Variants in DRC11 observed in about 807,000 individuals in gnomAD.
DRC11 encodes dynein regulatory complex subunit 11.
At chr2:236,436,099 C>G in the DRC11 span, among the ~76,000 whole-genome samples, 4 of 152,114 alleles carry the variant, frequency 2.6e-5, no homozygotes, top group African/African-American at 9.7e-5. Flanking sequence ...TTTACCAGTC[C>G]TATAGGTGAA....
At chr2:236,306,836 TCA>T in the DRC11 span, among the ~76,000 whole-genome samples, 5 of 152,336 alleles carry the variant, frequency 3.3e-5, no homozygotes, top group African/African-American at 1.2e-4. This position sits in a 1 kb window ranked among gnomAD's most constrained non-coding sequence, Gnocchi z 5.9. Context: ...CTGGTTAATA[TCA>T]CACCTCTTCA....
At chr2:236,478,142 T>C in the DRC11 span, among the ~76,000 whole-genome samples, 4 of 152,070 alleles carry the variant, frequency 2.6e-5, no homozygotes, top group African/African-American at 9.7e-5. This position sits in a 1 kb window ranked among gnomAD's most constrained non-coding sequence, Gnocchi z 5.9. Flanking sequence ...CACTATTAGG[T>C]TGTTTGAGCT....
the DRC11 span, among the ~76,000 whole-genome samples, chr2:236,411,619 C>G: frequency 6.1e-5 from 9 of 147,676 alleles, no homozygotes; most frequent in African/African-American, 1.3e-4. Flanking sequence ...TGGCATTATT[C>G]ACAATAGCAA....
At chr2:236,497,416 ATCT>A in the DRC11 span, 5 of 1,613,874 alleles carry the variant, frequency 3.1e-6, no homozygotes, top group Non-Finnish European at 3.4e-6. This position sits in a 1 kb window ranked among gnomAD's most constrained non-coding sequence, Gnocchi z 5.1. Context: ...TGGTTCAATC[ATCT>A]TCTGAGGCTC....
the DRC11 span, among the ~76,000 whole-genome samples, chr2:236,472,786 A>G: frequency 6.6e-6 from 1 of 152,162 alleles, no homozygotes; most frequent in Non-Finnish European, 1.5e-5. This position sits in a 1 kb window ranked among gnomAD's most constrained non-coding sequence, Gnocchi z 4.6. Context: ...CTGGTTAAGT[A>G]TGTCACTCAA....
the DRC11 span, among the ~76,000 whole-genome samples, chr2:236,386,068 A>AT: frequency 3.3e-5 from 5 of 149,538 alleles, no homozygotes; most frequent in South Asian, 4.3e-4. Context: ...TTTTGCCAGT[A>AT]TTTTATTGAG....
At chr2:236,355,028 G>A in the DRC11 span, among the ~76,000 whole-genome samples, 1 of 152,190 alleles carries the variant, frequency 6.6e-6, no homozygotes, top group Non-Finnish European at 1.5e-5. Context: ...AGGTGCATGT[G>A]TCTGAATTCC....
chr2:236,446,059 G>T, the DRC11 span, among the ~76,000 whole-genome samples: 1 of 152,118 alleles, frequency 6.6e-6, no homozygotes, highest in South Asian at 2.1e-4. The surrounding 1 kb of genome is among the most constrained non-coding windows in gnomAD (Gnocchi z 6.2). Context: ...ACAGTTATGA[G>T]TTCTATTTTA....
At chr2:236,342,291 C>T in the DRC11 span, among the ~76,000 whole-genome samples, 2 of 152,072 alleles carry the variant, frequency 1.3e-5, no homozygotes, top group Non-Finnish European at 2.9e-5. The surrounding 1 kb of genome is among the most constrained non-coding windows in gnomAD (Gnocchi z 5.8). Context: ...GGACAGAGGC[C>T]GGGGCAGGTG....
At chr2:236,340,919 A>C in the DRC11 span, among the ~76,000 whole-genome samples, 1 of 152,062 alleles carries the variant, frequency 6.6e-6, no homozygotes, top group Non-Finnish European at 1.5e-5. Flanking sequence ...GTTCCCCTAC[A>C]CTCAGACCAC....
the DRC11 span, among the ~76,000 whole-genome samples, chr2:236,411,988 T>C: frequency 6.6e-6 from 1 of 151,526 alleles, no homozygotes; most frequent in Non-Finnish European, 1.5e-5. Context: ...ATGCCACATG[T>C]ATACATATGT....
the DRC11 span, chr2:236,391,006 T>TA: frequency 9.5e-3 from 1,442 of 152,428 alleles, 11 homozygotes; most frequent in Middle Eastern, 0.021. The surrounding 1 kb of genome is among the most constrained non-coding windows in gnomAD (Gnocchi z 4.5). Flanking sequence ...CTTTCATTCT[T>TA]ACTCTCTTCA....
chr2:236,493,804 T>A, the DRC11 span: 13 of 1,607,718 alleles, frequency 8.1e-6, no homozygotes, highest in Non-Finnish European at 1.1e-5. Context: ...CCGCTAATAT[T>A]TGAGCAAGAA....
the DRC11 span, among the ~76,000 whole-genome samples, chr2:236,446,416 C>T: frequency 6.6e-6 from 1 of 152,196 alleles, no homozygotes; most frequent in Non-Finnish European, 1.5e-5. This position sits in a 1 kb window ranked among gnomAD's most constrained non-coding sequence, Gnocchi z 6.2. Context: ...CTGGGGACTT[C>T]CCCAGGAGTA....
chr2:236,454,264 C>G, the DRC11 span, among the ~76,000 whole-genome samples: 1 of 152,284 alleles, frequency 6.6e-6, no homozygotes, highest in Non-Finnish European at 1.5e-5. This position sits in a 1 kb window ranked among gnomAD's most constrained non-coding sequence, Gnocchi z 5.3. Context: ...GAGCCTAGAG[C>G]TGCTGGATGT....
the DRC11 span, among the ~76,000 whole-genome samples, chr2:236,407,276 GT>G: frequency 1.3e-5 from 2 of 152,174 alleles, no homozygotes; most frequent in African/African-American, 4.8e-5. Flanking sequence ...TGGTATCTGG[GT>G]TAATTTTTGT....
chr2:236,356,968 A>ATTATATATTCATATATCATAAATATATAT, the DRC11 span, among the ~76,000 whole-genome samples: 1 of 107,068 alleles, frequency 9.3e-6, no homozygotes, highest in East Asian at 2.3e-4. Context: ...AAATATATAT[A>ATTATATATTCATATATCATAAATATATAT]TTATATATTC....
chr2:236,460,161 C>T, the DRC11 span, among the ~76,000 whole-genome samples: 1 of 152,166 alleles, frequency 6.6e-6, no homozygotes, highest in Non-Finnish European at 1.5e-5. This position sits in a 1 kb window ranked among gnomAD's most constrained non-coding sequence, Gnocchi z 4.0. Flanking sequence ...AATAAATTCA[C>T]CCTTGACCTT....
the DRC11 span, among the ~76,000 whole-genome samples, chr2:236,411,311 G>C: frequency 1.4e-4 from 22 of 151,874 alleles, no homozygotes; most frequent in African/African-American, 5.3e-4. Flanking sequence ...AGCATCACTG[G>C]CCATCAGAGA....
Sources: gnomAD v4.1 joint callset for allele counts (sites outside exome capture counted in the v4.1 genomes callset) on GRCh38, gnomAD v4.1.1 for gene constraint, Gnocchi (gnomAD v3.1) non-coding constraint, MANE v1.5 for transcripts, NCBI Gene and HGNC (gene_info 2026-07-23, HGNC 2026-07-21) for gene names.